The following CDH4 variants were observed in gnomAD, a reference collection of about 807,000 sequenced individuals.
CDH4 encodes the protein cadherin 4, also known as cadherin-4.
CDH4 carries 33 observed loss-of-function variants against 86.0 expected under a neutral mutation model. The ratio of observed to expected loss-of-function variants is 0.38; its 90% CI spans 0.29 to 0.51. CDH4 has a LOEUF of 0.51. Ranked by LOEUF, CDH4 falls within the 20% of genes least tolerant of loss-of-function variation. The pLI is 0.86. For synonymous variants in CDH4, 555 were observed against 549.4 expected (o/e 1.01, Z -0.14); for missense variants, 1,114 against 1,307.4 (o/e 0.85, Z 2.28).
chr20:61,840,058 GGTCTCCCA>G (rs1419545163), intron 4 of CDH4, among the ~76,000 whole-genome samples: 2 of 152,080 alleles, frequency 1.3e-5, no homozygotes, highest in South Asian at 4.1e-4. Flanking sequence ...TGCCCCAAGG[GGTCTCCCA>G]GACCTTGCTC....
intron 2 of CDH4, among the ~76,000 whole-genome samples, chr20:61,506,699 A>T (rs1303053537): frequency 6.6e-6 from 1 of 152,118 alleles, no homozygotes; most frequent in African/African-American, 2.4e-5. Flanking sequence ...GGCTGAGCCA[A>T]CTCTAGCGTA....
chr20:61,795,693 C>T (rs1313291779), intron 4 of CDH4, among the ~76,000 whole-genome samples: 1 of 152,188 alleles, frequency 6.6e-6, no homozygotes, highest in African/African-American at 2.4e-5. Context: ...CTGTCTGGAA[C>T]ATACCAGAGG....
chr20:61,564,240 C>T (rs771141622), intron 2 of CDH4, among the ~76,000 whole-genome samples: 15 of 152,108 alleles, frequency 9.9e-5, no homozygotes, highest in African/African-American at 2.9e-4. Context: ...TCCTGGTGGA[C>T]GTGAATTTGG....
chr20:61,618,120 C>CT (rs896666238), intron 2 of CDH4, among the ~76,000 whole-genome samples: 2 of 152,118 alleles, frequency 1.3e-5, no homozygotes, highest in Non-Finnish European at 2.9e-5. Flanking sequence ...TCGGGCAGGC[C>CT]TTTATCAGCA....
intron 2 of CDH4, among the ~76,000 whole-genome samples, chr20:61,292,548 C>G (rs777155522): frequency 6.6e-6 from 1 of 152,180 alleles, no homozygotes. Flanking sequence ...GTGCTGTTGG[C>G]GTCCAGTGGA....
At chr20:61,706,453 A>G (rs930302673) in intron 2 of CDH4, among the ~76,000 whole-genome samples, 1 of 152,220 alleles carries the variant, frequency 6.6e-6, no homozygotes, top group African/African-American at 2.4e-5. Flanking sequence ...CACGGTCTTA[A>G]CAAACATGAT....
At chr20:61,253,777 C>A (rs897553411) in intron 1 of CDH4, among the ~76,000 whole-genome samples, 1 of 152,164 alleles carries the variant, frequency 6.6e-6, no homozygotes, top group African/African-American at 2.4e-5. Context: ...AAGCCTGGAG[C>A]TCCGGGCTGG....
intron 2 of CDH4, among the ~76,000 whole-genome samples, chr20:61,382,193 G>C (rs755042404): frequency 1.3e-5 from 2 of 152,192 alleles, no homozygotes; most frequent in Admixed American, 1.3e-4. Context: ...AGGCTTAAAC[G>C]TAAAAATAAG....
intron 2 of CDH4, among the ~76,000 whole-genome samples, chr20:61,296,270 TGTGTGCGTGG>T (rs141501038): frequency 8.5e-4 from 5 of 5,914 alleles, no homozygotes; most frequent in Admixed American, 6.5e-3. Flanking sequence ...TGCGTGTGTG[TGTGTGCGTGG>T]GTGCGTGTGT....
At chr20:61,612,903 G>A (rs961136737) in intron 2 of CDH4, among the ~76,000 whole-genome samples, 63 of 152,048 alleles carry the variant, frequency 4.1e-4, no homozygotes, top group African/African-American at 1.4e-3. Context: ...TCTGCCTAAT[G>A]TCTACTACAG....
chr20:61,663,301 C>T lies in CDH4; in HGVS notation c.170-80262C>T, dbSNP rs2087282004. Among the ~76,000 whole-genome samples the T allele has an allele frequency of 6.6e-6, 1 of 152,216 alleles. No individual in the cohort carries two copies. The highest frequency in any genetic ancestry group is 6.5e-5 in the Admixed American group (1 of 15,286). The stretch of plus-strand genomic sequence containing the variant: ...GAGTCCACGCAGGAAAGGAGTGGCA[C>T]CCGCAGGAGGCCTGTGCTGCGGAGC... On this transcript the variant is annotated intron_variant, in intron 2 of 15. Coordinates refer to ENST00000614565, the MANE Select transcript of CDH4 (RefSeq NM_001794.5). This position sits in a 1 kb window ranked among gnomAD's most constrained non-coding sequence, Gnocchi z 5.0.
At chr20:61,364,093 C>T (rs1186629345) in intron 2 of CDH4, among the ~76,000 whole-genome samples, 2 of 152,176 alleles carry the variant, frequency 1.3e-5, no homozygotes, top group Non-Finnish European at 2.9e-5. Context: ...ACCAATATGC[C>T]ATCTGAAGCA....
intron 2 of CDH4, among the ~76,000 whole-genome samples, chr20:61,354,527 A>G (rs1455100387): frequency 6.6e-6 from 1 of 152,198 alleles, no homozygotes; most frequent in African/African-American, 2.4e-5. Flanking sequence ...AAATAAATCA[A>G]AGATGATAAT....
At chr20:61,295,978 G>T (rs1309672953) in intron 2 of CDH4, among the ~76,000 whole-genome samples, 1 of 152,216 alleles carries the variant, frequency 6.6e-6, no homozygotes, top group Non-Finnish European at 1.5e-5. Context: ...ACACGTGGGA[G>T]GGTCTACCCC....
At chr20:61,336,133 T>G (rs1008426954) in intron 2 of CDH4, among the ~76,000 whole-genome samples, 4 of 152,178 alleles carry the variant, frequency 2.6e-5, no homozygotes, top group African/African-American at 9.7e-5. Flanking sequence ...AACTTTCCCC[T>G]TCTTAGAGTG....
chr20:61,460,322 C>G (rs2427112), intron 2 of CDH4, among the ~76,000 whole-genome samples: 120,093 of 152,086 alleles, frequency 0.79, 48,509 homozygotes, highest in African/African-American at 0.95. Context: ...CAGAAAAAGG[C>G]TGCTCTGTCT....
chr20:61,931,141 G>A lies in CDH4; in HGVS notation c.2239+1299G>A, dbSNP rs553976594. Among the ~76,000 whole-genome samples, 43 of 152,348 alleles carry A rather than the reference G, an allele frequency of 2.8e-4. No individual in the cohort carries two copies. In the South Asian group the frequency reaches 5.6e-3, roughly 20 times the overall value. The stretch of plus-strand genomic sequence containing the variant: ...CTCCACACTCCTCCTCTCAACCCTC[G>A]CTCATCTTGTCTGCCTGGATGAGCC... On this transcript the variant is annotated intron_variant, in intron 13 of 15. Coordinates refer to ENST00000614565, the MANE Select transcript of CDH4 (RefSeq NM_001794.5).
intron 2 of CDH4, among the ~76,000 whole-genome samples, chr20:61,441,330 A>C (rs1393407976): frequency 1.3e-5 from 2 of 152,206 alleles, no homozygotes; most frequent in African/African-American, 4.8e-5. Flanking sequence ...TTCAGAAAGG[A>C]CTTAGGCAGA....
At chr20:61,431,424 A>G (rs1208845774) in intron 2 of CDH4, among the ~76,000 whole-genome samples, 3 of 148,470 alleles carry the variant, frequency 2.0e-5, no homozygotes, top group Non-Finnish European at 3.0e-5. Flanking sequence ...TAGTTTTGCA[A>G]TCATGGCTCA....
Sources: gnomAD v4.1 joint callset for allele counts (sites outside exome capture counted in the v4.1 genomes callset) on GRCh38, gnomAD v4.1.1 for gene constraint, Gnocchi (gnomAD v3.1) non-coding constraint, MANE v1.5 for transcripts, NCBI Gene and HGNC (gene_info 2026-07-23, HGNC 2026-07-21) for gene names.